The following PLEKHG4B variants were observed in gnomAD, a reference collection of about 807,000 sequenced individuals.
The protein encoded by PLEKHG4B is pleckstrin homology domain-containing family G member 4B.
Under a neutral mutation model 121.3 loss-of-function variants are expected in PLEKHG4B, and 111 were observed. That is an observed-to-expected ratio of 0.92 (90% CI 0.78 to 1.07). The LOEUF (loss-of-function observed/expected upper bound fraction) is 1.07, where lower values mean the gene tolerates loss of function less well. Among genes scored for constraint, PLEKHG4B ranks in the 50% least tolerant of loss-of-function variants. PLEKHG4B has a pLI of 0.00. For synonymous variants in PLEKHG4B, 738 were observed against 725.0 expected (o/e 1.02, Z -0.29); for missense variants, 1,831 against 1,757.8 (o/e 1.04, Z -0.74).
chr5:148,691 A>T (rs565157275), intron 6 of PLEKHG4B, among the ~76,000 whole-genome samples: 10 of 152,192 alleles, frequency 6.6e-5, no homozygotes, highest in African/African-American at 2.4e-4. Flanking sequence ...ATCAAAATTA[A>T]GCTGTTGTTT....
chr5:169,958 T>C (rs931892888), intron 14 of PLEKHG4B, among the ~76,000 whole-genome samples: 5 of 152,106 alleles, frequency 3.3e-5, no homozygotes, highest in African/African-American at 1.2e-4. Context: ...AGGCCTCACC[T>C]CTTCACACGC....
In PLEKHG4B at chr5:113,322, A is replaced by C. The variant is rs541586328; in HGVS notation, c.117A>C (p.Ala39=). ...TGTACCCACCGTTTGAAGCCACGGC[A>C]GCCACGGTGCTCTGGCAGCTGTTCA... is the stretch of plus-strand genomic sequence containing the variant. ...SALYPPFEAT[A]ATVLWQLFSV... The change falls in exon 2 of 20, where the codon GCA becomes GCC. Residue 39 remains alanine, a synonymous_variant. Coordinates refer to ENST00000637938, the MANE Select transcript of PLEKHG4B (RefSeq NM_052909.5). The surrounding 1 kb of genome is among the most constrained non-coding windows in gnomAD (Gnocchi z 5.2). The C allele has an allele frequency of 5.0e-6, 2 of 399,086 alleles. No individual in the cohort carries two copies. The highest frequency in any genetic ancestry group is 4.1e-5 in the African/African-American group (2 of 48,738). The allele number at this position is 399,086 out of a possible 1,614,324, so 24.7% of individuals were successfully genotyped here.
At chr5:104,136 C>T (rs1167873758) in intron 1 of PLEKHG4B, among the ~76,000 whole-genome samples, 1 of 145,724 alleles carries the variant, frequency 6.9e-6, no homozygotes, top group Non-Finnish European at 1.5e-5. Flanking sequence ...CAACCTCAGC[C>T]AGTCCCAGCA....
chr5:123,314 G>A (rs867085488), intron 2 of PLEKHG4B, among the ~76,000 whole-genome samples: 45 of 152,028 alleles, frequency 3.0e-4, no homozygotes, highest in African/African-American at 1.1e-3. Flanking sequence ...TAATCCATGG[G>A]TAGAAAAGAT....
intron 12 of PLEKHG4B, 71 bp downstream of exon 12, chr5:162,015 C>G: frequency 1.3e-6 from 2 of 1,495,328 alleles, no homozygotes; most frequent in South Asian, 2.7e-5. Context: ...GCAAGTGCCT[C>G]CCCTCACAAG....
chr5:96,170 C>A (rs1245803798), intron 1 of PLEKHG4B, among the ~76,000 whole-genome samples: 1 of 152,160 alleles, frequency 6.6e-6, no homozygotes, highest in Non-Finnish European at 1.5e-5. Context: ...TTTTGGTTTT[C>A]CCAGTGAGAG....
At position 104,629 on chromosome 5, in the gene PLEKHG4B, C is replaced by T. The variant is rs377534655; in HGVS notation, c.46-8622C>T. On this transcript the variant is annotated intron_variant, in intron 1 of 19. Transcript: ENST00000637938. ...AGAGGAAGAGGGCTGTATTAATCAC[C>T]GTACAGTATACAAGGTAATTTTGAT... Among the ~76,000 whole-genome samples the T allele has an allele frequency of 7.6e-4, 116 of 152,134 alleles. 1 individual carries two copies. Among genetic ancestry groups the T allele is most frequent in the African/African-American group, 2.7e-3 (112 of 41,482 alleles).
rs1733742089 is a variant in PLEKHG4B at position 189,828 on chromosome 5, A to T, written c.*7505A>T. On this transcript the variant is annotated 3_prime_UTR_variant, in exon 20 of 20. Coordinates refer to ENST00000637938, the MANE Select transcript of PLEKHG4B (RefSeq NM_052909.5). ...TGGGCCACACAGAGCCCGAGTAGGT[A>T]AAGGAAGGTTCTGGAAACCACTTTT... The T allele has an allele frequency of 6.6e-6, 1 of 152,126 alleles. No individual in the cohort carries two copies. The highest frequency in any genetic ancestry group is 1.5e-5 in the Non-Finnish European group (1 of 68,036). 9.4% of individuals were successfully genotyped at this position (152,126 alleles called of 1,614,324 possible). A position where few individuals can be genotyped will look rare whatever the true frequency, so the allele number is the denominator to read the frequency against.
At chr5:160,559 C>T (rs930995842) in intron 11 of PLEKHG4B, among the ~76,000 whole-genome samples, 3 of 152,290 alleles carry the variant, frequency 2.0e-5, no homozygotes, top group South Asian at 4.1e-4. Context: ...ATTACTTGTT[C>T]ATGCTTTAGA....
At chr5:114,256 G>GTGGA (rs1249191119) in intron 2 of PLEKHG4B, among the ~76,000 whole-genome samples, 25 of 152,188 alleles carry the variant, frequency 1.6e-4, no homozygotes, top group African/African-American at 6.0e-4. Flanking sequence ...TTTCCACATT[G>GTGGA]ACTCTTCCTT....
Position 116,733 on chromosome 5 carries a change from G to A in PLEKHG4B, c.243+3285G>A, listed in dbSNP as rs560209916. ...CACTCCACTGAAATTGAATTAGGGC[G>A]TTGTTTTGAAACTACCACTGGGCCA... On this transcript the variant is annotated intron_variant, in intron 2 of 19. Transcript: ENST00000637938. Among the ~76,000 whole-genome samples the A allele has an allele frequency of 5.9e-5, 9 of 152,296 alleles. No homozygotes were observed. The South Asian group carries it at 6.2e-4, about 11-fold the overall frequency.
intron 13 of PLEKHG4B, among the ~76,000 whole-genome samples, chr5:166,285 C>CAG (rs1459562542): frequency 2.3e-5 from 1 of 43,032 alleles, no homozygotes; most frequent in Non-Finnish European, 4.8e-5. Flanking sequence ...AATGCTCTGA[C>CAG]GGGGCGGGGC....
At chr5:108,920 G>A (rs1227991090) in intron 1 of PLEKHG4B, among the ~76,000 whole-genome samples, 1 of 152,214 alleles carries the variant, frequency 6.6e-6, no homozygotes, top group East Asian at 1.9e-4. Flanking sequence ...TGGGCCAGAC[G>A]CCAGGAGCCA....
chr5:181,929 TCTGATCCCATTCCCGAACCTGGGCTGCA>T, intron 19 of PLEKHG4B, 47 bp from the exon 20 acceptor site: 1 of 1,513,346 alleles, frequency 6.6e-7, no homozygotes, highest in Non-Finnish European at 9.1e-7. Flanking sequence ...TTCAGACGGC[TCTGATCCCATTCCCGAACCTGGGCTGCA>T]CTTCTGGAGC....
At chr5:175,408 C>A (rs943607920) in intron 18 of PLEKHG4B, among the ~76,000 whole-genome samples, 5 of 152,136 alleles carry the variant, frequency 3.3e-5, no homozygotes, top group East Asian at 1.9e-4. Flanking sequence ...AACCACCCCC[C>A]ACCCCAGACC....
intron 1 of PLEKHG4B, among the ~76,000 whole-genome samples, chr5:96,119 G>T (rs1733621159): frequency 6.6e-6 from 1 of 152,222 alleles, no homozygotes; most frequent in South Asian, 2.1e-4. Context: ...GTGTTACAGT[G>T]GTTTGGGATT....
chr5:179,572 G>A (rs1736867392), intron 18 of PLEKHG4B: 1 of 152,696 alleles, frequency 6.5e-6, no homozygotes, highest in Non-Finnish European at 1.5e-5. Flanking sequence ...ACACCCCCCA[G>A]GCAGAGAGAC....
In PLEKHG4B at chr5:143,375, C is replaced by T. The variant is rs142208662; in HGVS notation, c.1688-5C>T. 1,192 of 1,612,026 alleles carry T rather than the reference C, an allele frequency of 7.4e-4. 4 individuals carry two copies. The African/African-American group carries it at 9.4e-3, about 13-fold the overall frequency. On this transcript the variant is annotated splice_polypyrimidine_tract_variant and splice_region_variant and intron_variant, in intron 4 of 19. Transcript: ENST00000637938. ...TTGGCAGCTGCCCTGTCTCTGTCTCCGCAGGGACCCGAGACCGTCATGGCA... is the reference window on the plus strand; with the variant it reads ...TTGGCAGCTGCCCTGTCTCTGTCTCTGCAGGGACCCGAGACCGTCATGGCA...
chr5:163,589 G>A (rs372592506), intron 13 of PLEKHG4B, 41 bp downstream of exon 13: 1 of 1,461,514 alleles, frequency 6.8e-7, no homozygotes, highest in South Asian at 1.4e-5. Context: ...AGCAGTCCTT[G>A]GGGATCTAGA....
Sources: allele counts gnomAD v4.1 joint callset (sites outside exome capture counted in the v4.1 genomes callset), GRCh38; gene constraint gnomAD v4.1.1; non-coding constraint Gnocchi (gnomAD v3.1); transcripts MANE v1.5; gene names NCBI Gene and HGNC (gene_info 2026-07-23, HGNC 2026-07-21).